The following ZFAT variants were observed in gnomAD, a reference collection of about 807,000 sequenced individuals.
ZFAT encodes the protein zinc finger protein ZFAT.
Under a neutral mutation model 117.7 loss-of-function variants are expected in ZFAT, and 64 were observed. That is an observed-to-expected ratio of 0.54 (90% CI 0.44 to 0.67). ZFAT has a LOEUF of 0.67. ZFAT is among the 30% of genes least tolerant of loss of function. ZFAT has a pLI of 0.00. For missense variants in ZFAT, 1,433 were observed against 1,584.5 expected (o/e 0.90, Z 1.62); for synonymous variants, 679 against 615.0 (o/e 1.10, Z -1.54).
chr8:134,637,421 C>A, intron 3 of ZFAT, 40 bp downstream of exon 3: 1 of 1,580,248 alleles, frequency 6.3e-7, no homozygotes, highest in Non-Finnish European at 8.6e-7. Flanking sequence ...TACACCTCTT[C>A]ATAAGAAATT....
Position 134,567,431 on chromosome 8 carries a change from C to A in ZFAT, c.2888-2010G>T, listed in dbSNP as rs1586723977. Among the ~76,000 whole-genome samples the A allele has an allele frequency of 2.0e-5, 3 of 151,540 alleles. 1 individual carries two copies. The highest frequency in any genetic ancestry group is 1.3e-4 in the Admixed American group (2 of 15,214). Reference sequence around the variant, plus strand: ...AAAAGCCCCTAAGCTGGTTTCCTTGCCTTCATAAAACCCTACCAACCATCC... The same window carrying A: ...AAAAGCCCCTAAGCTGGTTTCCTTGACTTCATAAAACCCTACCAACCATCC... On this transcript the variant is annotated intron_variant, in intron 10 of 15. Coordinates refer to ENST00000377838, the MANE Select transcript of ZFAT (RefSeq NM_020863.4).
the ZFAT span, among the ~76,000 whole-genome samples, chr8:134,831,928 A>C: frequency 6.6e-6 from 1 of 151,290 alleles, no homozygotes; most frequent in African/African-American, 2.4e-5. Flanking sequence ...CGGGGGGCTG[A>C]GCGCCCGGTG....
intron 1 of ZFAT, among the ~76,000 whole-genome samples, chr8:134,670,287 A>G (rs926467758): frequency 6.6e-6 from 1 of 152,256 alleles, no homozygotes; most frequent in Non-Finnish European, 1.5e-5. Flanking sequence ...ACCCCAAATC[A>G]ACAGAATATA....
intron 1 of ZFAT, among the ~76,000 whole-genome samples, chr8:134,685,521 T>G (rs1833277409): frequency 6.6e-6 from 1 of 152,170 alleles, no homozygotes; most frequent in Non-Finnish European, 1.5e-5. Flanking sequence ...CAGCAATTCA[T>G]TTCGGGGAGC....
chr8:134,742,078 A>G, the ZFAT span, among the ~76,000 whole-genome samples: 423 of 151,498 alleles, frequency 2.8e-3, 7 homozygotes, highest in African/African-American at 9.6e-3. Flanking sequence ...GCTATTTCCA[A>G]TCCAGTCTCC....
At chr8:134,794,924 T>G in the ZFAT span, 1 of 152,184 alleles carries the variant, frequency 6.6e-6, no homozygotes, top group Non-Finnish European at 1.5e-5. Context: ...CTGTGCAGGG[T>G]CCTTCACATA....
At chr8:134,621,335 A>T (rs954419579) in intron 3 of ZFAT, among the ~76,000 whole-genome samples, 6 of 152,048 alleles carry the variant, frequency 3.9e-5, no homozygotes, top group African/African-American at 1.5e-4. Flanking sequence ...AGGGAGATCA[A>T]CTATACTATT....
rs140537664 is a variant in ZFAT, at chr8:134,531,916, GT to G, written c.3115+917del. Among the ~76,000 whole-genome samples the G allele has an allele frequency of 8.3e-3, 1,265 of 152,346 alleles. 16 individuals are homozygous for G. Among genetic ancestry groups the G allele is most frequent in the African/African-American group, 0.029 (1,185 of 41,566 alleles). On this transcript the variant is annotated intron_variant, in intron 12 of 15. Coordinates refer to ENST00000377838, the MANE Select transcript of ZFAT (RefSeq NM_020863.4). ...ACTCCAAGCATCCCCAGCTGCAGCA[GT>G]CTACAATTCCACATCTCTGTTTACT...
At chr8:134,713,428 C>G (rs1436246759), upstream of ZFAT, among the ~76,000 whole-genome samples, 2 of 152,246 alleles carry the variant, frequency 1.3e-5, no homozygotes, top group African/African-American at 2.4e-5. Context: ...TCTCAGTTTA[C>G]TGATGTGTCC....
chr8:134,539,011 C>G (rs1332392348), intron 11 of ZFAT, among the ~76,000 whole-genome samples: 1 of 152,090 alleles, frequency 6.6e-6, no homozygotes, highest in African/African-American at 2.4e-5. Context: ...GTAAAATACA[C>G]ATTTTCATAG....
At chr8:134,783,829 G>C in the ZFAT span, 1 of 152,214 alleles carries the variant, frequency 6.6e-6, no homozygotes, top group Non-Finnish European at 1.5e-5. Context: ...TGCATGCACA[G>C]CACTTAATCC....
At chr8:134,533,430 T>A (rs1177367573) in intron 11 of ZFAT, among the ~76,000 whole-genome samples, 1 of 152,190 alleles carries the variant, frequency 6.6e-6, no homozygotes, top group Admixed American at 6.5e-5. Context: ...CAGCAGTAGG[T>A]TCTACCACAC....
intron 2 of ZFAT, among the ~76,000 whole-genome samples, chr8:134,653,658 C>A (rs1831419334): frequency 6.6e-6 from 1 of 152,004 alleles, no homozygotes; most frequent in Non-Finnish European, 1.5e-5. Flanking sequence ...TGTGACTTCA[C>A]AATGTATATG....
chr8:134,706,375 A>G (rs1042837150), intron 1 of ZFAT, among the ~76,000 whole-genome samples: 1 of 152,106 alleles, frequency 6.6e-6, no homozygotes, highest in African/African-American at 2.4e-5. Flanking sequence ...AGAAGAAGAA[A>G]CTCATCTATG....
At chr8:134,762,680 A>G in the ZFAT span, among the ~76,000 whole-genome samples, 2 of 152,190 alleles carry the variant, frequency 1.3e-5, no homozygotes, top group African/African-American at 4.8e-5. Flanking sequence ...GTTCAAATTT[A>G]TATCTTCAGA....
chr8:134,502,833 G>A (rs1488052959), intron 15 of ZFAT, among the ~76,000 whole-genome samples: 10 of 152,238 alleles, frequency 6.6e-5, no homozygotes, highest in Admixed American at 6.5e-4. Context: ...TGGGGAAGAG[G>A]TGGGTGCCCA....
In ZFAT at chr8:134,608,747, T is replaced by C. The variant is rs1016867047; in HGVS notation, c.767A>G (p.Gln256Arg). 1 of 1,610,312 alleles carries C rather than the reference T, an allele frequency of 6.2e-7. No homozygotes were observed. The highest frequency in any genetic ancestry group is 1.7e-5 in the Admixed American group (1 of 59,244). ...EYAIQQTPYEQPMKSSRLGPT... is the reference protein window; with the variant it reads ...EYAIQQTPYERPMKSSRLGPT... The stretch of plus-strand genomic sequence containing the variant: ...ACTTTACCTGCTTGACTTCATTGGT[T>C]GCTCATAAGGTGTCTGCTGAATGGC... The change falls in exon 5 of 16, where the codon CAA becomes CGA. Residue 256 changes from glutamine (Q) to arginine (R), a missense_variant. Gln to Arg is a conservative substitution (Grantham distance 43). Transcript: ENST00000377838.
intron 1 of ZFAT, among the ~76,000 whole-genome samples, chr8:134,684,004 G>A (rs944484808): frequency 1.3e-5 from 2 of 152,132 alleles, no homozygotes; most frequent in South Asian, 2.1e-4. Context: ...TCTGGCCTAC[G>A]GGTTGCCAAT....
the ZFAT span, among the ~76,000 whole-genome samples, chr8:134,827,600 T>A: frequency 3.9e-5 from 6 of 151,938 alleles, no homozygotes; most frequent in African/African-American, 1.5e-4. Flanking sequence ...AAATCCCGTC[T>A]CTACTGAAAA....
Sources: allele counts gnomAD v4.1 joint callset (sites outside exome capture counted in the v4.1 genomes callset), GRCh38; gene constraint gnomAD v4.1.1; transcripts MANE v1.5; gene names NCBI Gene and HGNC (gene_info 2026-07-23, HGNC 2026-07-21).